Variants in RABGAP1L observed in about 807,000 individuals in gnomAD.
The protein encoded by RABGAP1L is rab GTPase-activating protein 1-like.
In RABGAP1L, 63 loss-of-function variants were observed where a neutral mutation model predicts 137.7. That is an observed-to-expected ratio of 0.46 (90% CI 0.37 to 0.56). The LOEUF (loss-of-function observed/expected upper bound fraction) is 0.56. RABGAP1L is among the 20% of genes least tolerant of loss of function. The pLI, the probability that RABGAP1L is intolerant of heterozygous loss-of-function variation, is 0.00. For missense variants in RABGAP1L, 1,095 were observed against 1,244.0 expected (o/e 0.88, Z 1.80); for synonymous variants, 431 against 433.7 (o/e 0.99, Z 0.08).
chr1:174,851,973 T>C (rs1191259079), intron 19 of RABGAP1L, among the ~76,000 whole-genome samples: 1 of 152,188 alleles, frequency 6.6e-6, no homozygotes, highest in Admixed American at 6.5e-5. Context: ...TTTTCTAGAG[T>C]TTCACTTAAA....
chr1:174,661,189 G>C (rs912407208), intron 14 of RABGAP1L, among the ~76,000 whole-genome samples: 1 of 152,160 alleles, frequency 6.6e-6, no homozygotes, highest in Non-Finnish European at 1.5e-5. Flanking sequence ...CTATCAACTA[G>C]TTACTGTTCT....
chr1:174,450,223 G>A (rs1354291966), intron 13 of RABGAP1L, among the ~76,000 whole-genome samples: 3 of 152,012 alleles, frequency 2.0e-5, no homozygotes, highest in South Asian at 4.2e-4. Flanking sequence ...TACTTAGAAT[G>A]CCCTTTTTAA....
intron 11 of RABGAP1L, among the ~76,000 whole-genome samples, chr1:174,337,497 C>CT (rs1215024816): frequency 6.6e-6 from 1 of 152,108 alleles, no homozygotes; most frequent in Non-Finnish European, 1.5e-5. Flanking sequence ...ACATTATGGA[C>CT]TTTAATTGTA....
At chr1:174,467,398 G>GT (rs905658190) in intron 13 of RABGAP1L, among the ~76,000 whole-genome samples, 2 of 147,452 alleles carry the variant, frequency 1.4e-5, no homozygotes, top group African/African-American at 5.2e-5. Context: ...TTTGAGCCTA[G>GT]TTAAAAAAAA....
intron 13 of RABGAP1L, among the ~76,000 whole-genome samples, chr1:174,610,756 G>A (rs1671165158): frequency 6.6e-6 from 1 of 152,334 alleles, no homozygotes; most frequent in African/African-American, 2.4e-5. Flanking sequence ...TCTAACTGGT[G>A]TGAGATAGTA....
chr1:174,435,979 A>G (rs1051604056), intron 13 of RABGAP1L, among the ~76,000 whole-genome samples: 5 of 152,192 alleles, frequency 3.3e-5, no homozygotes, highest in Admixed American at 3.3e-4. Context: ...TACAAAGGAC[A>G]TGAACTCATC....
At chr1:174,813,540 A>G (rs914605718) in intron 19 of RABGAP1L, among the ~76,000 whole-genome samples, 1 of 152,258 alleles carries the variant, frequency 6.6e-6, no homozygotes, top group African/African-American at 2.4e-5. Context: ...GTTAAAAAGT[A>G]CAGTTAAAAA....
chr1:174,328,037 A>C (rs1024234939), intron 11 of RABGAP1L, among the ~76,000 whole-genome samples: 3 of 139,192 alleles, frequency 2.2e-5, no homozygotes, highest in African/African-American at 8.0e-5. Context: ...CCAACATCAG[A>C]GCACTTAAAT....
At chr1:174,374,224 A>T (rs1685331204) in intron 12 of RABGAP1L, among the ~76,000 whole-genome samples, 1 of 152,160 alleles carries the variant, frequency 6.6e-6, no homozygotes, top group Non-Finnish European at 1.5e-5. Context: ...GGGAAGGCTT[A>T]GGAATTTACA....
At chr1:174,455,444 G>T (rs1173512653) in intron 13 of RABGAP1L, among the ~76,000 whole-genome samples, 1 of 151,924 alleles carries the variant, frequency 6.6e-6, no homozygotes, top group Non-Finnish European at 1.5e-5. Flanking sequence ...CACAAACAAG[G>T]TACAGAGTTG....
chr1:174,613,217 C>G (rs1671443896), intron 13 of RABGAP1L, among the ~76,000 whole-genome samples: 1 of 151,914 alleles, frequency 6.6e-6, no homozygotes, highest in East Asian at 1.9e-4. Flanking sequence ...TCCCTCTACA[C>G]AGTGCTTTGA....
At chr1:174,963,779 C>T (rs1008000688) in intron 20 of RABGAP1L, among the ~76,000 whole-genome samples, 11 of 151,982 alleles carry the variant, frequency 7.2e-5, no homozygotes, top group Non-Finnish European at 2.9e-5. Context: ...TTTTGTATGA[C>T]ATTTGTAGAG....
At chr1:174,617,501 C>T (rs578168975) in intron 13 of RABGAP1L, among the ~76,000 whole-genome samples, 8 of 152,142 alleles carry the variant, frequency 5.3e-5, no homozygotes, top group Admixed American at 5.2e-4. Flanking sequence ...GGAACAAATC[C>T]TTCTGTTCTT....
intron 14 of RABGAP1L, among the ~76,000 whole-genome samples, chr1:174,652,960 C>A (rs752257615): frequency 6.6e-6 from 1 of 152,224 alleles, no homozygotes; most frequent in South Asian, 2.1e-4. Context: ...AAGGTCCTGA[C>A]TGGGGCTGCT....
At chr1:174,458,132 C>T (rs1483684782) in intron 13 of RABGAP1L, among the ~76,000 whole-genome samples, 4 of 151,948 alleles carry the variant, frequency 2.6e-5, no homozygotes, top group Non-Finnish European at 4.4e-5. Context: ...AACTATAGGG[C>T]AAGATAGGAG....
At chr1:174,359,802 T>G (rs1442271408) in intron 11 of RABGAP1L, among the ~76,000 whole-genome samples, 2 of 152,252 alleles carry the variant, frequency 1.3e-5, no homozygotes, top group African/African-American at 4.8e-5. Context: ...TTCTCATTTT[T>G]AAAATGGGCA....
chr1:174,611,286 T>A (rs1439670620), intron 13 of RABGAP1L, among the ~76,000 whole-genome samples: 2 of 151,010 alleles, frequency 1.3e-5, no homozygotes, highest in Non-Finnish European at 3.0e-5. Flanking sequence ...CTAGCCAGTT[T>A]TCCCAGCACC....
At chr1:174,785,440 AT>A (rs1687383392) in intron 18 of RABGAP1L, among the ~76,000 whole-genome samples, 1 of 152,248 alleles carries the variant, frequency 6.6e-6, no homozygotes, top group African/African-American at 2.4e-5. Context: ...TTTCAGTAAA[AT>A]AAATAATTCC....
At chr1:174,511,947 T>G (rs1285519744) in intron 13 of RABGAP1L, among the ~76,000 whole-genome samples, 1 of 152,184 alleles carries the variant, frequency 6.6e-6, no homozygotes, top group African/African-American at 2.4e-5. Context: ...TGTAATTTTC[T>G]TACATATTGT....
Sources: gnomAD v4.1 joint callset for allele counts (sites outside exome capture counted in the v4.1 genomes callset) on GRCh38, gnomAD v4.1.1 for gene constraint, MANE v1.5 for transcripts, NCBI Gene and HGNC (gene_info 2026-07-23, HGNC 2026-07-21) for gene names.